COL22A1: variants seen among roughly 807,000 people sequenced by gnomAD.
COL22A1 encodes collagen type XXII alpha 1 chain, also known as collagen alpha-1(XXII) chain.
In COL22A1, 221 loss-of-function variants were observed where a neutral mutation model predicts 248.9. That is an observed-to-expected ratio of 0.89 (90% CI 0.80 to 0.99). The LOEUF (loss-of-function observed/expected upper bound fraction) is 0.99. COL22A1 is among the 50% of genes least tolerant of loss of function. The probability of loss-of-function intolerance (pLI) is 0.00; values close to 1 mark genes in which losing one functional copy is unlikely to be tolerated. For synonymous variants in COL22A1, 891 were observed against 793.4 expected (o/e 1.12, Z -2.07); for missense variants, 2,240 against 2,179.0 (o/e 1.03, Z -0.56).
intron 11 of COL22A1, among the ~76,000 whole-genome samples, chr8:138,797,491 G>A (rs1336699146): frequency 6.6e-6 from 1 of 152,172 alleles, no homozygotes; most frequent in Non-Finnish European, 1.5e-5. Context: ...TTCTTCAGGT[G>A]ACAGACATTT....
At position 138,821,272 on chromosome 8, in the gene COL22A1, C is replaced by T. The variant is rs1563808759; in HGVS notation, c.1109G>A (p.Ser370Asn). Residue 370 changes from serine (S) to asparagine (N), a missense_variant, in exon 7 of 65, where the codon AGC becomes AAC. Coordinates refer to ENST00000303045, the MANE Select transcript of COL22A1 (RefSeq NM_152888.3). ...FDRDWHKMAL[S>N]IQAQNVSLHI... ...CAGGGAGACGTTCTGGGCCTGGATG[C>T]TCAGGGCCATCTTGTGCCAGTCCCG... 1 of 1,614,204 alleles carries T rather than the reference C, an allele frequency of 6.2e-7. No individual in the cohort carries two copies.
chr8:138,887,782 C>T (rs1042664607), intron 1 of COL22A1, among the ~76,000 whole-genome samples: 1 of 152,152 alleles, frequency 6.6e-6, no homozygotes, highest in African/African-American at 2.4e-5. Flanking sequence ...AAGAGTTTTG[C>T]AAGAATCCTG....
intron 16 of COL22A1, among the ~76,000 whole-genome samples, chr8:138,765,193 G>C (rs1440436365): frequency 6.6e-6 from 1 of 152,200 alleles, no homozygotes; most frequent in East Asian, 1.9e-4. Context: ...ACTGGCGCCA[G>C]AACCGGCCCT....
chr8:138,691,631 G>GTGTT (rs1826894478), intron 35 of COL22A1, among the ~76,000 whole-genome samples: 1 of 976 alleles, frequency 1.0e-3, no homozygotes, highest in African/African-American at 3.2e-3. Flanking sequence ...TTGTGGAGGT[G>GTGTT]TATGTGTGCA....
chr8:138,732,404 G>A (rs1325601847), intron 23 of COL22A1, among the ~76,000 whole-genome samples: 4 of 152,220 alleles, frequency 2.6e-5, no homozygotes, highest in Non-Finnish European at 2.9e-5. Flanking sequence ...GATGACCTGG[G>A]TCAAATCCCA....
At chr8:138,641,007 T>C (rs187160983) in intron 47 of COL22A1, among the ~76,000 whole-genome samples, 179 of 152,330 alleles carry the variant, frequency 1.2e-3, no homozygotes, top group African/African-American at 4.0e-3. Flanking sequence ...TGCAAGCTTG[T>C]AGGTCTTTCT....
chr8:138,667,988 T>C (rs1223478642), intron 41 of COL22A1, among the ~76,000 whole-genome samples: 2 of 150,028 alleles, frequency 1.3e-5, no homozygotes, highest in Admixed American at 6.6e-5. Flanking sequence ...TGGTGGAAAA[T>C]TCTATCAGAC....
intron 51 of COL22A1, among the ~76,000 whole-genome samples, chr8:138,625,093 T>C (rs1191185888): frequency 6.6e-6 from 1 of 152,084 alleles, no homozygotes; most frequent in Admixed American, 6.6e-5. Flanking sequence ...TAATGGAGAA[T>C]TAATCAATCC....
At chr8:138,873,239 C>A (rs1385809307) in intron 3 of COL22A1, among the ~76,000 whole-genome samples, 1 of 152,028 alleles carries the variant, frequency 6.6e-6, no homozygotes, top group Non-Finnish European at 1.5e-5. Context: ...CCTTCAAATT[C>A]TAACCATTTG....
intron 26 of COL22A1, among the ~76,000 whole-genome samples, chr8:138,721,325 A>G (rs1466329158): frequency 2.0e-5 from 3 of 152,214 alleles, no homozygotes; most frequent in Non-Finnish European, 1.5e-5. Context: ...TGCATACTTG[A>G]GTCTGGGTGT....
chr8:138,801,260 C>T (rs1337842099), intron 11 of COL22A1, among the ~76,000 whole-genome samples: 2 of 152,266 alleles, frequency 1.3e-5, no homozygotes, highest in Middle Eastern at 3.4e-3. Context: ...TGACTGAGGG[C>T]AAGTCATTCG....
At chr8:138,660,407 T>G in intron 44 of COL22A1, 29 bp downstream of exon 44, 5 of 1,598,484 alleles carry the variant, frequency 3.1e-6, no homozygotes, top group Non-Finnish European at 3.4e-6. Flanking sequence ...TGATAGTCAA[T>G]ATTCATCCAG....
chr8:138,859,366 C>G (rs1426270726), intron 3 of COL22A1, among the ~76,000 whole-genome samples: 3 of 152,192 alleles, frequency 2.0e-5, no homozygotes, highest in Non-Finnish European at 4.4e-5. Flanking sequence ...GATGGCAAGG[C>G]CAGGACCCCT....
At chr8:138,600,775 C>T (rs1344074608) in intron 60 of COL22A1, among the ~76,000 whole-genome samples, 1 of 152,194 alleles carries the variant, frequency 6.6e-6, no homozygotes, top group African/African-American at 2.4e-5. Flanking sequence ...CTTCAATTTT[C>T]CAAGCGTGAT....
intron 16 of COL22A1, among the ~76,000 whole-genome samples, chr8:138,767,504 A>G (rs1285519432): frequency 6.6e-6 from 1 of 152,156 alleles, no homozygotes; most frequent in East Asian, 1.9e-4. Context: ...GGAAAAAGCC[A>G]GCTGTATTAG....
chr8:138,902,204 G>A (rs2132162792), intron 1 of COL22A1, among the ~76,000 whole-genome samples: 1 of 152,244 alleles, frequency 6.6e-6, no homozygotes, highest in East Asian at 1.9e-4. Flanking sequence ...TGGCAAAGGT[G>A]GCCAGAGGAG....
intron 43 of COL22A1, among the ~76,000 whole-genome samples, chr8:138,661,200 T>G (rs1278121182): frequency 6.6e-6 from 1 of 151,994 alleles, no homozygotes; most frequent in Non-Finnish European, 1.5e-5. Flanking sequence ...CCTATTAGAC[T>G]GGCTATAAGA....
intron 41 of COL22A1, among the ~76,000 whole-genome samples, chr8:138,666,020 G>A (rs1241175073): frequency 6.6e-6 from 1 of 151,638 alleles, no homozygotes; most frequent in Non-Finnish European, 1.5e-5. Context: ...CCTATGCAGA[G>A]TGGCAACTGA....
At chr8:138,868,833 C>T (rs1823100571) in intron 3 of COL22A1, among the ~76,000 whole-genome samples, 1 of 151,998 alleles carries the variant, frequency 6.6e-6, no homozygotes, top group African/African-American at 2.4e-5. Flanking sequence ...CAGGTTCAAG[C>T]AATTCTCCTG....
Sources: allele counts gnomAD v4.1 joint callset (sites outside exome capture counted in the v4.1 genomes callset), GRCh38; gene constraint gnomAD v4.1.1; transcripts MANE v1.5; gene names NCBI Gene and HGNC (gene_info 2026-07-23, HGNC 2026-07-21).